The following FRY variants were observed in gnomAD, a reference collection of about 807,000 sequenced individuals.
FRY encodes the protein protein furry homolog.
Under a neutral mutation model 348.4 loss-of-function variants are expected in FRY, and 128 were observed. The ratio of observed to expected loss-of-function variants is 0.37; its 90% CI spans 0.32 to 0.43. FRY has a LOEUF of 0.43. FRY is among the 20% of genes least tolerant of loss of function. FRY has a pLI of 1.00. For missense variants in FRY, 2,736 were observed against 3,695.2 expected, an observed-to-expected ratio of 0.74 and a Z score of 6.73; for synonymous variants, 1,370 against 1,374.7, an observed-to-expected ratio of 1.00 and a Z score of 0.08.
At chr13:32,056,895 C>T (rs559429794) in intron 1 of FRY, among the ~76,000 whole-genome samples, 2 of 152,006 alleles carry the variant, frequency 1.3e-5, no homozygotes, top group East Asian at 3.9e-4. Flanking sequence ...TCTAAAACCT[C>T]AGTTTAGAGA....
rs780080345 is a variant in FRY at position 32,224,237 on chromosome 13, G to A, written c.4768G>A (p.Asp1590Asn). 6.2e-7 allele frequency: 1 copy of A among 1,613,888 alleles called. No individual in the cohort carries two copies. The highest frequency in any genetic ancestry group is 8.5e-7 in the Non-Finnish European group (1 of 1,179,840). ...SGGSYDEDKN[D>N]PISPYTGWLL... ...CAGTTGTCTTTCTCACCCTCCAGAT[G>A]ATCCAATTTCTCCCTACACGGGCTG... Residue 1590 changes from aspartate to asparagine, a missense_variant and splice_region_variant, in exon 37 of 61, where the codon GAT becomes AAT. Asp to Asn is a conservative substitution (Grantham distance 23). This residue lies in a region of FRY where 794 missense variants were observed against 977.0 expected (regional missense o/e 0.81). Transcript: ENST00000542859.
In FRY at chr13:32,078,929, G is replaced by T. The variant is rs972665662; in HGVS notation, c.166G>T (p.Val56Leu). Residue 56 changes from valine (V) to leucine (L), a missense_variant, in exon 2 of 61, where the codon GTG becomes TTG. This residue lies in a region of FRY where 309 missense variants were observed against 418.1 expected (regional missense o/e 0.74). Coordinates refer to ENST00000542859, the MANE Select transcript of FRY (RefSeq NM_023037.3). ...GCCGCCAACCATGCTACCCATCAATGTGGACCCAGACAGTAAACCAGGAGA... is the reference window on the plus strand; with the variant it reads ...GCCGCCAACCATGCTACCCATCAATTTGGACCCAGACAGTAAACCAGGAGA... ...KGPPTMLPINVDPDSKPGEYV... is the reference protein window; with the variant it reads ...KGPPTMLPINLDPDSKPGEYV... The T allele has an allele frequency of 8.7e-6, 14 of 1,613,804 alleles. No individual in the cohort carries two copies. The highest frequency in any genetic ancestry group is 3.3e-5 in the Admixed American group (2 of 59,996).
chr13:32,227,991 C>G (rs1368666106), intron 39 of FRY, among the ~76,000 whole-genome samples: 1 of 152,156 alleles, frequency 6.6e-6, no homozygotes, highest in South Asian at 2.1e-4. Context: ...ACCTTGTGAT[C>G]CACCCGCCTC....
At position 32,210,905 on chromosome 13, in the gene FRY, A is replaced by T. The variant is rs370900479; in HGVS notation, c.4462A>T (p.Ile1488Phe). The T allele has an allele frequency of 1.9e-6, 3 of 1,613,850 alleles. No individual in the cohort carries two copies. The highest frequency in any genetic ancestry group is 2.5e-6 in the Non-Finnish European group (3 of 1,179,886). The change falls in exon 34 of 61, where the codon ATT (isoleucine) becomes TTT (phenylalanine). Residue 1488 changes from isoleucine to phenylalanine, a missense_variant. This residue lies in a region of FRY where 794 missense variants were observed against 977.0 expected (regional missense o/e 0.81). Coordinates refer to ENST00000542859, the MANE Select transcript of FRY (RefSeq NM_023037.3). ...VAIYLCRNNT[I>F]QTMEELLFEL... ...AATATACTTGTGCCGTAACAACACCATTCAAACCATGGAAGAGCTTCTCTT... is the reference window on the plus strand; with the variant it reads ...AATATACTTGTGCCGTAACAACACCTTTCAAACCATGGAAGAGCTTCTCTT...
intron 1 of FRY, among the ~76,000 whole-genome samples, chr13:32,045,538 T>C (rs1479980984): frequency 3.3e-5 from 5 of 152,212 alleles, no homozygotes; most frequent in African/African-American, 9.6e-5. Context: ...ATGCTTTTGG[T>C]GTCAATGGTT....
At position 32,173,450 on chromosome 13, in the gene FRY, T is replaced by G; in HGVS notation, c.2235T>G (p.Ala745=). The change falls in exon 19 of 61, where the codon GCT becomes GCG. Residue 745 remains alanine, a synonymous_variant. Coordinates refer to ENST00000542859, the MANE Select transcript of FRY (RefSeq NM_023037.3). The part of the protein sequence containing the change: ...CSVLHAVEGF[A]LVLLCSFQVA... ...TACTCCACGCTGTAGAAGGTTTTGC[T>G]CTGGTTTTACTCTGCAGTTTCCAGG... 1 of 1,613,084 alleles carries G rather than the reference T, an allele frequency of 6.2e-7. No individual in the cohort carries two copies. Among genetic ancestry groups the G allele is most frequent in the Non-Finnish European group, 8.5e-7 (1 of 1,179,780 alleles).
At chr13:32,125,615 A>G (rs1270663797) in intron 7 of FRY, among the ~76,000 whole-genome samples, 2 of 152,234 alleles carry the variant, frequency 1.3e-5, no homozygotes, top group African/African-American at 2.4e-5. Flanking sequence ...TTCCTCAGAA[A>G]GAGATTTTTA....
intron 46 of FRY, among the ~76,000 whole-genome samples, chr13:32,241,712 A>G (rs895589233): frequency 6.6e-6 from 1 of 152,362 alleles, no homozygotes; most frequent in East Asian, 1.9e-4. Context: ...TCTGGAAAGT[A>G]GATTGATACA....
intron 46 of FRY, among the ~76,000 whole-genome samples, chr13:32,241,135 C>T (rs958481024): frequency 6.6e-6 from 1 of 152,202 alleles, no homozygotes; most frequent in Non-Finnish European, 1.5e-5. Flanking sequence ...TAAGCAAGCA[C>T]ACACACACCT....
At chr13:32,170,226 G>A (rs1881976338) in intron 17 of FRY, among the ~76,000 whole-genome samples, 2 of 152,160 alleles carry the variant, frequency 1.3e-5, no homozygotes, top group Admixed American at 1.3e-4. Context: ...TTAAGAATAG[G>A]ATTCGATACT....
At chr13:32,102,183 G>A (rs796241566) in intron 3 of FRY, among the ~76,000 whole-genome samples, 167 bp downstream of exon 3, 14 of 152,256 alleles carry the variant, frequency 9.2e-5, no homozygotes, top group African/African-American at 3.4e-4. Context: ...GTTTATAGCT[G>A]TTCAGTAAAT....
intron 14 of FRY, among the ~76,000 whole-genome samples, chr13:32,153,016 A>C (rs1215491456): frequency 6.6e-6 from 1 of 152,184 alleles, no homozygotes; most frequent in East Asian, 1.9e-4. Context: ...CAACCTCATT[A>C]GTCATTAAGG....
chr13:32,161,356 A>T, intron 17 of FRY, 105 bp downstream of exon 17: 1 of 852,210 alleles, frequency 1.2e-6, no homozygotes, highest in Non-Finnish European at 2.0e-6. Context: ...TTACCAAATG[A>T]GGTACTGGGT....
intron 24 of FRY, among the ~76,000 whole-genome samples, 184 bp from the exon 25 acceptor site, chr13:32,184,416 T>TC (rs1419117983): frequency 6.6e-6 from 1 of 152,230 alleles, no homozygotes; most frequent in African/African-American, 2.4e-5. Flanking sequence ...TGTTTTTTTT[T>TC]CTTACAGCCT....
At chr13:32,043,631 G>A (rs1456411654) in intron 1 of FRY, among the ~76,000 whole-genome samples, 1 of 152,142 alleles carries the variant, frequency 6.6e-6, no homozygotes, top group Non-Finnish European at 1.5e-5. Flanking sequence ...AGGTGAAATT[G>A]ATGAACCTCT....
intron 4 of FRY, among the ~76,000 whole-genome samples, chr13:32,118,281 C>T (rs191087723): frequency 1.3e-5 from 2 of 152,258 alleles, no homozygotes; most frequent in East Asian, 1.9e-4. Context: ...GATTTCTCCA[C>T]ATGAATGGAT....
intron 51 of FRY, among the ~76,000 whole-genome samples, chr13:32,255,189 A>G (rs1887269379): frequency 6.6e-6 from 1 of 152,130 alleles, no homozygotes; most frequent in Non-Finnish European, 1.5e-5. Flanking sequence ...GGATGATGCA[A>G]AGGTGCCTCG....
intron 11 of FRY, 134 bp downstream of exon 11, chr13:32,137,106 A>C: frequency 1.5e-6 from 1 of 682,250 alleles, no homozygotes; most frequent in Non-Finnish European, 2.7e-6. Flanking sequence ...TAATGAAAAA[A>C]TATTAATAAG....
intron 2 of FRY, among the ~76,000 whole-genome samples, chr13:32,090,284 G>A (rs1235142825): frequency 7.0e-6 from 1 of 143,548 alleles, no homozygotes; most frequent in Non-Finnish European, 1.5e-5. Flanking sequence ...GAAGTCGGAG[G>A]TTGCAGTGAG....
Sources: allele counts gnomAD v4.1 joint callset (sites outside exome capture counted in the v4.1 genomes callset), GRCh38; gene constraint gnomAD v4.1.1; regional missense constraint gnomAD v4.1.1; transcripts MANE v1.5; gene names NCBI Gene and HGNC (gene_info 2026-07-23, HGNC 2026-07-21).